SND1: variants seen among roughly 807,000 people sequenced by gnomAD.
SND1 encodes staphylococcal nuclease domain-containing protein 1.
In SND1, 38 loss-of-function variants were observed where a neutral mutation model predicts 121.7. The ratio of observed to expected loss-of-function variants is 0.31; its 90% CI spans 0.24 to 0.41. The LOEUF (loss-of-function observed/expected upper bound fraction) is 0.41. Ranked by LOEUF, SND1 falls within the 10% of genes least tolerant of loss-of-function variation. The pLI, the probability that SND1 is intolerant of heterozygous loss-of-function variation, is 1.00. For synonymous variants in SND1, 401 were observed against 447.4 expected, an observed-to-expected ratio of 0.90 and a Z score of 1.31; for missense variants, 868 against 1,184.6, an observed-to-expected ratio of 0.73 and a Z score of 3.92.
intron 12 of SND1, chr7:127,858,067 C>T: frequency 1.8e-6 from 2 of 1,136,270 alleles, no homozygotes; most frequent in Non-Finnish European, 2.7e-6. Flanking sequence ...CTCTGCTTCT[C>T]CTCTCTGGGT....
intron 11 of SND1, among the ~76,000 whole-genome samples, chr7:127,814,093 G>A (rs1798383809): frequency 6.6e-6 from 1 of 152,122 alleles, no homozygotes; most frequent in African/African-American, 2.4e-5. Flanking sequence ...GGACTCCCAA[G>A]TTGCTCATAT....
intron 10 of SND1, among the ~76,000 whole-genome samples, chr7:127,725,635 G>A (rs1796568491): frequency 6.6e-6 from 1 of 152,194 alleles, no homozygotes; most frequent in African/African-American, 2.4e-5. Flanking sequence ...GGCCTTGAAA[G>A]AAACACTAAG....
At chr7:127,805,619 G>A (rs552755608) in intron 10 of SND1, among the ~76,000 whole-genome samples, 10 of 152,318 alleles carry the variant, frequency 6.6e-5, no homozygotes, top group Middle Eastern at 3.4e-3. Flanking sequence ...CGAGGAGGAA[G>A]CATCTATTTC....
At chr7:127,811,702 A>G (rs1271692656) in intron 11 of SND1, among the ~76,000 whole-genome samples, 1 of 152,196 alleles carries the variant, frequency 6.6e-6, no homozygotes, top group Non-Finnish European at 1.5e-5. Context: ...ATGTAATGAT[A>G]TTATCTCTAT....
At chr7:128,054,989 C>T (rs2117026101) in intron 16 of SND1, among the ~76,000 whole-genome samples, 1 of 152,320 alleles carries the variant, frequency 6.6e-6, no homozygotes, top group Non-Finnish European at 1.5e-5. Context: ...TAGAGTTATT[C>T]TAATAGGATG....
At chr7:128,089,214 C>T (rs1793735117) in intron 21 of SND1, among the ~76,000 whole-genome samples, 1 of 152,102 alleles carries the variant, frequency 6.6e-6, no homozygotes, top group Non-Finnish European at 1.5e-5. Context: ...ACCCCATGCC[C>T]AGCTAATTTT....
At chr7:127,791,820 T>C (rs1459207348) in intron 10 of SND1, among the ~76,000 whole-genome samples, 4 of 152,222 alleles carry the variant, frequency 2.6e-5, no homozygotes, top group African/African-American at 9.6e-5. Flanking sequence ...ATTTGCCATC[T>C]CCGTTAACCC....
At chr7:127,738,808 T>C (rs1796825694) in intron 10 of SND1, among the ~76,000 whole-genome samples, 1 of 152,048 alleles carries the variant, frequency 6.6e-6, no homozygotes, top group African/African-American at 2.4e-5. Context: ...GTTTCTGGCT[T>C]GCTTTAGGGG....
chr7:127,761,832 G>C lies in SND1; in HGVS notation c.1152+40432G>C, dbSNP rs540053966. ...TTGAAGGTGCATCTTCCGTATAGCA[G>C]TATGATTGTTACAGTATTTTCCAGA... On this transcript the variant is annotated intron_variant, in intron 10 of 23. Transcript: ENST00000354725. Among the ~76,000 whole-genome samples, 81 of 152,260 alleles carry C rather than the reference G, an allele frequency of 5.3e-4. 1 individual carries two copies. The highest frequency in any genetic ancestry group is 1.9e-3 in the African/African-American group (79 of 41,540).
chr7:128,005,115 T>C (rs1802928841), intron 16 of SND1, among the ~76,000 whole-genome samples: 1 of 152,240 alleles, frequency 6.6e-6, no homozygotes, highest in South Asian at 2.1e-4. Flanking sequence ...GTTGTTGAGA[T>C]AGCCTATCCC....
intron 12 of SND1, among the ~76,000 whole-genome samples, chr7:127,853,444 A>C (rs1799211736): frequency 6.6e-6 from 1 of 152,198 alleles, no homozygotes; most frequent in Non-Finnish European, 1.5e-5. Context: ...GCTTTCCACC[A>C]CGTTACAGGT....
At chr7:127,823,005 G>T (rs186522629) in intron 11 of SND1, among the ~76,000 whole-genome samples, 24 of 152,270 alleles carry the variant, frequency 1.6e-4, no homozygotes, top group African/African-American at 5.8e-4. Context: ...TTGTAAGAGC[G>T]TAATCGATAA....
chr7:127,911,149 T>C (rs913087791), intron 14 of SND1, among the ~76,000 whole-genome samples: 3 of 152,268 alleles, frequency 2.0e-5, no homozygotes, highest in South Asian at 2.1e-4. Context: ...TATTGCTCTA[T>C]TTCTTTCTTC....
chr7:127,916,826 G>A (rs1221642531), intron 14 of SND1, among the ~76,000 whole-genome samples: 3 of 152,170 alleles, frequency 2.0e-5, no homozygotes, highest in Non-Finnish European at 4.4e-5. Flanking sequence ...AAGCAGGGGG[G>A]CAGCAAAAGC....
intron 16 of SND1, among the ~76,000 whole-genome samples, chr7:128,002,570 T>C (rs929067729): frequency 6.6e-6 from 1 of 152,214 alleles, no homozygotes; most frequent in Non-Finnish European, 1.5e-5. Flanking sequence ...ACATACCTCA[T>C]GGATGTCTAA....
In SND1 at chr7:128,029,720, G is replaced by A. The variant is rs1385816511; in HGVS notation, c.1779+38664G>A. On this transcript the variant is annotated intron_variant, in intron 16 of 23. Coordinates refer to ENST00000354725, the MANE Select transcript of SND1 (RefSeq NM_014390.4). This position sits in a 1 kb window ranked among gnomAD's most constrained non-coding sequence, Gnocchi z 4.2. ...GAAGCCACCAGGCTAGCCACAGAAT[G>A]TCACAATCACAGTTCCAAGGGTTGT... 1 of 1,614,122 alleles carries A rather than the reference G, an allele frequency of 6.2e-7. No homozygotes were observed. Among genetic ancestry groups the A allele is most frequent in the African/African-American group, 1.3e-5 (1 of 75,052 alleles).
At chr7:127,727,016 TAGTC>T (rs1261191768) in intron 10 of SND1, among the ~76,000 whole-genome samples, 1 of 152,176 alleles carries the variant, frequency 6.6e-6, no homozygotes, top group Non-Finnish European at 1.5e-5. Context: ...CCTCAGCTGG[TAGTC>T]ACCCCCTGCT....
chr7:127,843,905 A>G (rs921889959), intron 11 of SND1, among the ~76,000 whole-genome samples: 3 of 152,188 alleles, frequency 2.0e-5, no homozygotes, highest in Non-Finnish European at 2.9e-5. Flanking sequence ...TGGTGTTGTC[A>G]GTGTTCTGAA....
At chr7:127,719,357 T>C (rs889826706) in intron 9 of SND1, among the ~76,000 whole-genome samples, 2 of 152,174 alleles carry the variant, frequency 1.3e-5, no homozygotes, top group African/African-American at 4.8e-5. Context: ...TGAATCTGTA[T>C]TTTTGGTTAT....
Sources: allele counts gnomAD v4.1 joint callset (sites outside exome capture counted in the v4.1 genomes callset), GRCh38; gene constraint gnomAD v4.1.1; non-coding constraint Gnocchi (gnomAD v3.1); transcripts MANE v1.5; gene names NCBI Gene and HGNC (gene_info 2026-07-23, HGNC 2026-07-21).